The following PPIL1 variants were observed in gnomAD, a reference collection of about 807,000 sequenced individuals.
PPIL1 encodes the protein peptidylprolyl isomerase like 1, also known as peptidyl-prolyl cis-trans isomerase-like 1.
PPIL1 carries 14 observed loss-of-function variants against 19.4 expected under a neutral mutation model. That is an observed-to-expected ratio of 0.72 (90% CI 0.48 to 1.13). The LOEUF (loss-of-function observed/expected upper bound fraction) is 1.13. Among genes scored for constraint, PPIL1 ranks in the 50% most tolerant of loss-of-function variants. The pLI, the probability that PPIL1 is intolerant of heterozygous loss-of-function variation, is 0.00. For missense variants in PPIL1, 192 were observed against 218.0 expected (o/e 0.88, Z 0.75); for synonymous variants, 72 against 73.6 (o/e 0.98, Z 0.11).
intron 1 of PPIL1, among the ~76,000 whole-genome samples, chr6:36,873,522 C>T (rs1774564592): frequency 6.6e-6 from 1 of 152,194 alleles, no homozygotes; most frequent in Non-Finnish European, 1.5e-5. Context: ...ATCCAACAAA[C>T]TGTTGATGGT....
chr6:36,865,010 G>C (rs1236014236), intron 2 of PPIL1, among the ~76,000 whole-genome samples: 1 of 151,658 alleles, frequency 6.6e-6, no homozygotes, highest in Non-Finnish European at 1.5e-5. Flanking sequence ...ACATTTGTTT[G>C]AGCTCCCACT....
chr6:36,869,090 A>T (rs1774456262), intron 2 of PPIL1, among the ~76,000 whole-genome samples: 1 of 151,234 alleles, frequency 6.6e-6, no homozygotes, highest in African/African-American at 2.4e-5. Context: ...GGTTCAAGTG[A>T]TCCTCCTACC....
intron 2 of PPIL1, 98 bp downstream of exon 2, chr6:36,871,620 T>C (rs1774511711): frequency 1.4e-6 from 2 of 1,436,592 alleles, no homozygotes; most frequent in South Asian, 2.6e-5. Flanking sequence ...TATCACCTAT[T>C]TACGACAGAG....
chr6:36,872,910 G>C (rs78149087), intron 1 of PPIL1, among the ~76,000 whole-genome samples: 2 of 152,294 alleles, frequency 1.3e-5, no homozygotes, highest in East Asian at 3.9e-4. Flanking sequence ...CACCTGGCCA[G>C]ATGTGAGAAT....
At chr6:36,861,985 T>C (rs35995645) in intron 2 of PPIL1, among the ~76,000 whole-genome samples, 47,012 of 151,990 alleles carry the variant, frequency 0.31, 7,653 homozygotes, top group African/African-American at 0.38. Context: ...TGTGAGCCAC[T>C]GTGCCTGGCC....
chr6:36,873,202 C>A (rs1315961331), intron 1 of PPIL1, among the ~76,000 whole-genome samples: 1 of 152,126 alleles, frequency 6.6e-6, no homozygotes. Flanking sequence ...AATGTGCATA[C>A]CTCAGTAATT....
intron 2 of PPIL1, among the ~76,000 whole-genome samples, chr6:36,861,911 GC>G (rs1479053164): frequency 6.6e-6 from 1 of 152,054 alleles, no homozygotes; most frequent in Non-Finnish European, 1.5e-5. Flanking sequence ...GGTCAGGCTG[GC>G]CTCAAACTCC....
At chr6:36,874,311 T>G (rs747329433) in intron 1 of PPIL1, among the ~76,000 whole-genome samples, 11 of 152,244 alleles carry the variant, frequency 7.2e-5, no homozygotes, top group Non-Finnish European at 1.3e-4. Context: ...ACTGTATTAC[T>G]TATCACGTAA....
intron 2 of PPIL1, among the ~76,000 whole-genome samples, chr6:36,860,941 G>A (rs1398159682): frequency 6.6e-6 from 1 of 152,008 alleles, no homozygotes; most frequent in Non-Finnish European, 1.5e-5. Flanking sequence ...CTTTGTTCCA[G>A]GCAGGTCTCT....
At chr6:36,874,620 G>T in intron 1 of PPIL1, 97 bp downstream of exon 1, 1 of 1,500,198 alleles carries the variant, frequency 6.7e-7, no homozygotes, top group Non-Finnish European at 9.2e-7. Flanking sequence ...CCACGTGGAG[G>T]CCGGCCTCCC....
At chr6:36,865,494 G>A (rs529590409) in intron 2 of PPIL1, among the ~76,000 whole-genome samples, 1 of 152,306 alleles carries the variant, frequency 6.6e-6, no homozygotes, top group Admixed American at 6.5e-5. Flanking sequence ...AGTCTAGAGT[G>A]GAAGATGTGA....
In PPIL1 at chr6:36,871,822, C is replaced by G. The variant is rs12194408; in HGVS notation, c.107G>C (p.Cys36Ser). Residue 36 changes from cysteine to serine, a missense_variant, in exon 2 of 4, where the codon TGT becomes TCT. Transcript: ENST00000373699. ...ELYWKHAPKTCKNFAELARRG... is the reference protein window; with the variant it reads ...ELYWKHAPKTSKNFAELARRG... Reference sequence around the variant, plus strand: ...ACGAGCCAACTCAGCAAAGTTCTTACAGGTCTTTGGAGCATGCTTCCAGTA... The same window carrying G: ...ACGAGCCAACTCAGCAAAGTTCTTAGAGGTCTTTGGAGCATGCTTCCAGTA... The G allele has an allele frequency of 0.024, 38,450 of 1,611,660 alleles. 536 individuals are homozygous for G. Among genetic ancestry groups the G allele is most frequent in the Middle Eastern group, 0.033 (201 of 6,052 alleles).
At chr6:36,868,194 A>G (rs1394656952) in intron 2 of PPIL1, among the ~76,000 whole-genome samples, 3 of 152,238 alleles carry the variant, frequency 2.0e-5, no homozygotes, top group African/African-American at 7.2e-5. Flanking sequence ...AAGATTGCAG[A>G]GTGAAGGAAA....
chr6:36,874,615 T>G, intron 1 of PPIL1, 102 bp downstream of exon 1: 1 of 1,474,860 alleles, frequency 6.8e-7, no homozygotes, highest in East Asian at 2.3e-5. Context: ...CCCCTCCACG[T>G]GGAGGCCGGC....
intron 2 of PPIL1, among the ~76,000 whole-genome samples, chr6:36,859,530 T>C (rs577854948): frequency 3.8e-4 from 58 of 151,558 alleles, no homozygotes; most frequent in African/African-American, 1.4e-3. Context: ...GTTTTCATAA[T>C]ATCTTACTCA....
intron 2 of PPIL1, chr6:36,858,487 TA>T (rs1774212989): frequency 6.6e-6 from 1 of 152,298 alleles, no homozygotes; most frequent in African/African-American, 2.4e-5. Flanking sequence ...CTGCCTGCTA[TA>T]AAAGTAGCAC....
intron 2 of PPIL1, 66 bp from the exon 3 acceptor site, chr6:36,856,720 G>A: frequency 1.4e-6 from 2 of 1,434,926 alleles, no homozygotes; most frequent in East Asian, 2.3e-5. Flanking sequence ...CAAGAATGAT[G>A]GCCCAGGGTC....
chr6:36,859,844 T>TGTGTGTGTGTG (rs1554132501), intron 2 of PPIL1, among the ~76,000 whole-genome samples: 4 of 150,368 alleles, frequency 2.7e-5, no homozygotes, highest in Admixed American at 6.6e-5. Context: ...TGTGTGTGTG[T>TGTGTGTGTGTG]TTTGAGACAG....
chr6:36,870,782 G>A (rs969433532), intron 2 of PPIL1, among the ~76,000 whole-genome samples: 5 of 151,928 alleles, frequency 3.3e-5, no homozygotes, highest in South Asian at 2.1e-4. Flanking sequence ...CCACCAACCC[G>A]CCCGGCTAAT....
Sources: gnomAD v4.1 joint callset for allele counts (sites outside exome capture counted in the v4.1 genomes callset) on GRCh38, gnomAD v4.1.1 for gene constraint, MANE v1.5 for transcripts, NCBI Gene and HGNC (gene_info 2026-07-23, HGNC 2026-07-21) for gene names.